Variants in AHRR observed in about 807,000 individuals in gnomAD.
The protein encoded by AHRR is aryl hydrocarbon receptor repressor.
Under a neutral mutation model 44.0 loss-of-function variants are expected in AHRR, and 28 were observed. The ratio of observed to expected loss-of-function variants is 0.64; its 90% CI spans 0.47 to 0.87. AHRR has a LOEUF of 0.87. Among genes scored for constraint, AHRR ranks in the 40% least tolerant of loss-of-function variants. AHRR has a pLI of 0.00. For missense variants in AHRR, 990 were observed against 953.9 expected, an observed-to-expected ratio of 1.04 and a Z score of -0.50; for synonymous variants, 434 against 407.0, an observed-to-expected ratio of 1.07 and a Z score of -0.80.
intron 7 of AHRR, among the ~76,000 whole-genome samples, chr5:425,308 TAA>T (rs1579705618): frequency 6.6e-6 from 1 of 152,208 alleles, no homozygotes; most frequent in Non-Finnish European, 1.5e-5. Context: ...CTAGGGACAA[TAA>T]AGTTTTATTT....
intron 1 of AHRR, among the ~76,000 whole-genome samples, chr5:324,816 A>T (rs1471391542): frequency 6.6e-6 from 1 of 151,388 alleles, no homozygotes; most frequent in Non-Finnish European, 1.5e-5. Flanking sequence ...AAAACGAAAA[A>T]CCCAAAACTG....
chr5:346,151 G>T lies in AHRR; in HGVS notation c.62+2187G>T, dbSNP rs1742670210. ...TGCTTGCGAACAAGCTCTAGCGGGG[G>T]ACGGCAGTAGATACGGATGCTGCAA... On this transcript the variant is annotated intron_variant, in intron 2 of 10. Transcript: ENST00000684583. Among the ~76,000 whole-genome samples, 4 of 152,214 alleles carry T rather than the reference G, an allele frequency of 2.6e-5. No individual in the cohort carries two copies. In the South Asian group the frequency reaches 8.3e-4, roughly 32 times the overall value.
At chr5:431,748 T>C (rs1357549595) in intron 8 of AHRR, among the ~76,000 whole-genome samples, 3 of 152,214 alleles carry the variant, frequency 2.0e-5, no homozygotes, top group Non-Finnish European at 2.9e-5. Flanking sequence ...CTGCTCGCCA[T>C]AATTCACTGG....
At chr5:349,016 GT>G (rs569761386) in intron 2 of AHRR, among the ~76,000 whole-genome samples, 85 of 152,186 alleles carry the variant, frequency 5.6e-4, no homozygotes, top group Admixed American at 1.2e-3. Context: ...ATCCTCATGG[GT>G]TGGTGGTATC....
At chr5:359,376 A>G (rs372413791) in intron 3 of AHRR, among the ~76,000 whole-genome samples, 174 of 95,026 alleles carry the variant, frequency 1.8e-3, no homozygotes, top group Middle Eastern at 0.018. Flanking sequence ...TCAGCGACTG[A>G]GGAAGAGCGC....
chr5:394,225 G>A lies in AHRR; in HGVS notation c.351+17509G>A, dbSNP rs559420364. 3.9e-5 allele frequency among the ~76,000 whole-genome samples: 6 copies of A among 152,292 alleles called. No individual in the cohort carries two copies. The East Asian group carries it at 9.7e-4, about 25-fold the overall frequency. On this transcript the variant is annotated intron_variant, in intron 4 of 10. Coordinates refer to ENST00000684583, the MANE Select transcript of AHRR (RefSeq NM_001377236.1). ...TGTGCTCAGCTGCATTCCTGCTGGCGAATGTTTTCTCTGCTCCAGGGCCTC... is the reference window on the plus strand; with the variant it reads ...TGTGCTCAGCTGCATTCCTGCTGGCAAATGTTTTCTCTGCTCCAGGGCCTC...
intron 4 of AHRR, among the ~76,000 whole-genome samples, chr5:403,275 T>A (rs1421505390): frequency 2.6e-5 from 4 of 152,138 alleles, no homozygotes; most frequent in Admixed American, 1.3e-4. Context: ...GTTCTGAAGA[T>A]GGACGGTCAT....
intron 1 of AHRR, among the ~76,000 whole-genome samples, chr5:325,761 T>C (rs887078972): frequency 5.9e-5 from 9 of 152,096 alleles, no homozygotes; most frequent in African/African-American, 2.2e-4. Context: ...TTACATGGTG[T>C]TTGTTTTTTG....
At position 427,944 on chromosome 5, in the gene AHRR, A is replaced by G. The variant is rs1262435319; in HGVS notation, c.846A>G (p.Lys282=). 3.1e-6 allele frequency: 5 copies of G among 1,613,866 alleles called. No individual in the cohort carries two copies. The highest frequency in any genetic ancestry group is 4.2e-6 in the Non-Finnish European group (5 of 1,180,030). ...PVLLPSAAEM[K]MRSALLRAKP... ...TCCTCCCCTCCGCAGCGGAGATGAA[A>G]ATGAGGAGCGCGCTCCTGAGGGCAA... The change falls in exon 8 of 11, where the codon AAA becomes AAG. Residue 282 remains lysine (K), a synonymous_variant. Coordinates refer to ENST00000684583, the MANE Select transcript of AHRR (RefSeq NM_001377236.1).
chr5:403,198 G>A (rs150383909), intron 4 of AHRR, among the ~76,000 whole-genome samples: 19 of 152,266 alleles, frequency 1.2e-4, no homozygotes, highest in Middle Eastern at 3.4e-3. Flanking sequence ...GGGACGTACC[G>A]GGCTGAGGAG....
In AHRR at chr5:432,935, AG is replaced by A; in HGVS notation, c.1106del (p.Gly369AlafsTer13). 2 of 1,605,204 alleles carry A rather than the reference AG, an allele frequency of 1.2e-6. No individual in the cohort carries two copies. The highest frequency in any genetic ancestry group is 1.7e-6 in the Non-Finnish European group (2 of 1,175,560). ...GGCCCTGACCTTGTCCTTGACCCCA[AG>A]GGGGGCTCAGGGTAAGTGGTGCCAG... ...RGGPDLVLDP[K>X]GGSGDREEEQ... On this transcript the variant is annotated frameshift_variant, in exon 10 of 11. Coordinates refer to ENST00000684583, the MANE Select transcript of AHRR (RefSeq NM_001377236.1).
intron 8 of AHRR, among the ~76,000 whole-genome samples, chr5:429,526 T>C (rs975732148): frequency 6.6e-6 from 1 of 152,108 alleles, no homozygotes; most frequent in East Asian, 1.9e-4. Context: ...TCCTTGGCTG[T>C]CGGTGAGGTG....
At chr5:375,748 C>T (rs1024747053) in intron 3 of AHRR, among the ~76,000 whole-genome samples, 2 of 152,192 alleles carry the variant, frequency 1.3e-5, no homozygotes, top group African/African-American at 4.8e-5. Flanking sequence ...ACCCTTGCCC[C>T]TCAGTCCTCT....
At chr5:335,619 G>A (rs1040209758) in intron 1 of AHRR, among the ~76,000 whole-genome samples, 18 of 152,250 alleles carry the variant, frequency 1.2e-4, no homozygotes, top group African/African-American at 4.1e-4. Flanking sequence ...CAGGGCCCAT[G>A]GCAGAATGCC....
intron 4 of AHRR, among the ~76,000 whole-genome samples, chr5:381,977 A>G (rs888055141): frequency 2.0e-5 from 3 of 152,132 alleles, no homozygotes; most frequent in African/African-American, 4.8e-5. Context: ...TAGACTGTCA[A>G]TGTTGTACAT....
At chr5:352,408 G>A (rs1353107896) in intron 2 of AHRR, among the ~76,000 whole-genome samples, 1 of 149,148 alleles carries the variant, frequency 6.7e-6, no homozygotes, top group Non-Finnish European at 1.5e-5. Context: ...TCACTCTGAG[G>A]TTAAATGGGT....
chr5:333,060 TTTCAATCTG>T lies in AHRR; in HGVS notation c.-10-10831_-10-10823del, dbSNP rs1273620536. ...TCCCCACCCCACCCCCCGCCTTTAC[TTTCAATCTG>T]TATGTGTCTTTTTAAAAAAATAGAG... On this transcript the variant is annotated intron_variant, in intron 1 of 10. Transcript: ENST00000684583. Among the ~76,000 whole-genome samples, 255 of 151,752 alleles carry T rather than the reference TTTCAATCTG, an allele frequency of 1.7e-3. 1 individual carries two copies. The highest frequency in any genetic ancestry group is 5.8e-3 in the African/African-American group (239 of 41,278).
intron 4 of AHRR, among the ~76,000 whole-genome samples, chr5:378,085 G>A (rs1733818591): frequency 6.6e-6 from 1 of 152,240 alleles, no homozygotes; most frequent in Admixed American, 6.5e-5. Flanking sequence ...ATTGCATCTG[G>A]TAGGTTGTAT....
intron 4 of AHRR, among the ~76,000 whole-genome samples, chr5:393,646 T>G (rs898501441): frequency 1.5e-5 from 2 of 130,106 alleles, no homozygotes; most frequent in African/African-American, 4.3e-5. Flanking sequence ...TTTTCTTTGG[T>G]TTTTTTTTTG....
Sources: gnomAD v4.1 joint callset for allele counts (sites outside exome capture counted in the v4.1 genomes callset) on GRCh38, gnomAD v4.1.1 for gene constraint, MANE v1.5 for transcripts, NCBI Gene and HGNC (gene_info 2026-07-23, HGNC 2026-07-21) for gene names.